Variants in PGCKA1 observed in about 807,000 individuals in gnomAD.
The protein encoded by PGCKA1 is PDCD10 and GCKIII kinases associated 1.
the PGCKA1 span, among the ~76,000 whole-genome samples, chr4:37,540,629 G>T: frequency 6.6e-6 from 1 of 152,190 alleles, no homozygotes; most frequent in Non-Finnish European, 1.5e-5. Context: ...ACAACAAAGA[G>T]CCCCTGTGTG....
the PGCKA1 span, among the ~76,000 whole-genome samples, chr4:37,538,446 T>A: frequency 6.6e-6 from 1 of 152,234 alleles, no homozygotes; most frequent in Non-Finnish European, 1.5e-5. Flanking sequence ...TCAGTCATCA[T>A]TCTTGGGCCC....
chr4:37,519,811 G>A, the PGCKA1 span, among the ~76,000 whole-genome samples: 4 of 152,220 alleles, frequency 2.6e-5, no homozygotes, highest in African/African-American at 4.8e-5. Context: ...TGAGTAAGTG[G>A]TGAAAGTGGG....
chr4:37,462,853 G>A, the PGCKA1 span, among the ~76,000 whole-genome samples: 8 of 151,518 alleles, frequency 5.3e-5, no homozygotes, highest in Non-Finnish European at 8.8e-5. Context: ...AAAATTAGCC[G>A]GGCTTGGTGG....
chr4:37,538,155 A>C, the PGCKA1 span, among the ~76,000 whole-genome samples: 147,595 of 152,158 alleles, frequency 0.97, 71,767 homozygotes, highest in East Asian at 1. Context: ...AACAACTGGG[A>C]CTGGATCCAG....
the PGCKA1 span, among the ~76,000 whole-genome samples, chr4:37,579,715 G>C: frequency 6.6e-6 from 1 of 152,068 alleles, no homozygotes; most frequent in East Asian, 1.9e-4. Flanking sequence ...CTTTATCCTT[G>C]ACCTTTGGGA....
the PGCKA1 span, among the ~76,000 whole-genome samples, chr4:37,573,100 G>T: frequency 1.3e-5 from 2 of 152,296 alleles, no homozygotes; most frequent in Non-Finnish European, 2.9e-5. Context: ...TGGACCTCAT[G>T]TATTTCCCTT....
the PGCKA1 span, among the ~76,000 whole-genome samples, chr4:37,535,890 G>A: frequency 6.6e-6 from 1 of 152,194 alleles, no homozygotes; most frequent in African/African-American, 2.4e-5. Flanking sequence ...CCAGTTGCTA[G>A]CTAGAGGATA....
chr4:37,586,736 C>T, the PGCKA1 span, among the ~76,000 whole-genome samples: 1 of 152,168 alleles, frequency 6.6e-6, no homozygotes, highest in Admixed American at 6.5e-5. Flanking sequence ...ATGGTGAAAC[C>T]TCATCTCTAC....
the PGCKA1 span, among the ~76,000 whole-genome samples, chr4:37,482,071 T>A: frequency 6.6e-6 from 1 of 152,226 alleles, no homozygotes; most frequent in Non-Finnish European, 1.5e-5. Flanking sequence ...CCATTAAATC[T>A]CTTTCTCTTT....
the PGCKA1 span, among the ~76,000 whole-genome samples, chr4:37,525,086 C>G: frequency 6.6e-6 from 1 of 152,106 alleles, no homozygotes; most frequent in Non-Finnish European, 1.5e-5. Context: ...TTATTTCAAC[C>G]CTGCAAACGT....
the PGCKA1 span, among the ~76,000 whole-genome samples, chr4:37,487,075 G>T: frequency 2.0e-5 from 3 of 152,160 alleles, no homozygotes; most frequent in African/African-American, 7.2e-5. Context: ...TTACTGGGGT[G>T]GAGATGGTAC....
chr4:37,549,458 T>G, the PGCKA1 span, among the ~76,000 whole-genome samples: 1 of 152,178 alleles, frequency 6.6e-6, no homozygotes, highest in Non-Finnish European at 1.5e-5. Context: ...CCCCCATGTC[T>G]AAGGTCCCTG....
chr4:37,494,690 G>T, the PGCKA1 span, among the ~76,000 whole-genome samples: 1 of 152,124 alleles, frequency 6.6e-6, no homozygotes, highest in African/African-American at 2.4e-5. Flanking sequence ...AGGTCTTTGA[G>T]GAATTGCCAC....
chr4:37,593,284 C>T, the PGCKA1 span, among the ~76,000 whole-genome samples: 1 of 152,152 alleles, frequency 6.6e-6, no homozygotes, highest in African/African-American at 2.4e-5. Context: ...TAAAAGAAGT[C>T]TGGAGTTAGT....
the PGCKA1 span, among the ~76,000 whole-genome samples, chr4:37,555,320 T>C: frequency 6.6e-6 from 1 of 152,292 alleles, no homozygotes; most frequent in East Asian, 1.9e-4. Flanking sequence ...GAGAGTAGCT[T>C]CTAACAGACA....
At chr4:37,463,781 G>A in the PGCKA1 span, among the ~76,000 whole-genome samples, 1 of 151,082 alleles carries the variant, frequency 6.6e-6, no homozygotes, top group African/African-American at 2.4e-5. Context: ...AGATTTAATG[G>A]GGCAAAAGGA....
At chr4:37,463,054 GA>G in the PGCKA1 span, among the ~76,000 whole-genome samples, 2 of 150,704 alleles carry the variant, frequency 1.3e-5, no homozygotes, top group East Asian at 3.9e-4. Flanking sequence ...TTATGGATAA[GA>G]AAACTGAGGC....
At chr4:37,508,683 C>CTTTTTTTTTTTTTTTTTTTTTG in the PGCKA1 span, among the ~76,000 whole-genome samples, 2 of 84,850 alleles carry the variant, frequency 2.4e-5, no homozygotes, top group Non-Finnish European at 2.3e-5. Context: ...TTTGCTGAAT[C>CTTTTTTTTTTTTTTTTTTTTTG]TTTTTTTTAG....
At chr4:37,574,508 G>A in the PGCKA1 span, among the ~76,000 whole-genome samples, 1 of 151,998 alleles carries the variant, frequency 6.6e-6, no homozygotes, top group Non-Finnish European at 1.5e-5. Context: ...TATGGGGTAT[G>A]TGAAATATTT....
Sources: allele counts gnomAD v4.1 joint callset (sites outside exome capture counted in the v4.1 genomes callset), GRCh38; gene constraint gnomAD v4.1.1; transcripts MANE v1.5; gene names NCBI Gene and HGNC (gene_info 2026-07-23, HGNC 2026-07-21).